Variants in GDPD5 observed in about 807,000 individuals in gnomAD.
The protein encoded by GDPD5 is glycerophosphodiester phosphodiesterase 2.
A neutral mutation model predicts 75.1 loss-of-function variants in GDPD5; 48 were observed. The ratio of observed to expected loss-of-function variants is 0.64; its 90% CI spans 0.51 to 0.81. The LOEUF is 0.81. Ranked by LOEUF, GDPD5 falls within the 40% of genes least tolerant of loss-of-function variation. The pLI is 0.00. For missense variants in GDPD5, 706 were observed against 822.6 expected, an observed-to-expected ratio of 0.86 and a Z score of 1.73; for synonymous variants, 336 against 339.0, an observed-to-expected ratio of 0.99 and a Z score of 0.10.
Position 75,439,886 on chromosome 11 carries a change from G to A in GDPD5, c.1549C>T (p.Leu517Phe), listed in dbSNP as rs146670226. ...SFTLIVGIFV[L>F]QKWRLGGIRS... ...TGGTCAGATCCTACTCACTTCTGGA[G>A]CACGAAGATGCCCACGATGAGGGTG... The change falls in exon 15 of 17, where the codon CTC (leucine) becomes TTC (phenylalanine). Residue 517 changes from leucine to phenylalanine, a missense_variant. Physicochemically the swap from Leu to Phe is conservative, Grantham distance 22. Transcript: ENST00000336898. The A allele has an allele frequency of 1.3e-5, 21 of 1,613,392 alleles. No individual in the cohort carries two copies. The highest frequency in any genetic ancestry group is 1.8e-5 in the Non-Finnish European group (21 of 1,179,544).
At chr11:75,469,599 T>C (rs117826185) in intron 3 of GDPD5, among the ~76,000 whole-genome samples, 1,961 of 152,332 alleles carry the variant, frequency 0.013, 30 homozygotes, top group Non-Finnish European at 0.019. Flanking sequence ...GGTCACACTT[T>C]GAGTCACAGG....
intron 3 of GDPD5, among the ~76,000 whole-genome samples, chr11:75,476,472 G>C (rs962060993): frequency 6.6e-6 from 1 of 151,706 alleles, no homozygotes; most frequent in Non-Finnish European, 1.5e-5. Context: ...CAGAGCCCAC[G>C]GTCTGTACCC....
chr11:75,462,195 C>T (rs141683686), intron 4 of GDPD5, among the ~76,000 whole-genome samples: 21 of 152,282 alleles, frequency 1.4e-4, no homozygotes, highest in Admixed American at 2.0e-4. Context: ...GGCCCTGCCC[C>T]GGTTGAGCCC....
chr11:75,452,620 T>C (rs1477961383), intron 6 of GDPD5, among the ~76,000 whole-genome samples: 1 of 152,172 alleles, frequency 6.6e-6, no homozygotes, highest in African/African-American at 2.4e-5. Flanking sequence ...GCTCAGTGAA[T>C]GCGCCTTCCT....
chr11:75,506,672 C>T (rs1950404884), intron 1 of GDPD5: 1 of 152,474 alleles, frequency 6.6e-6, no homozygotes, highest in African/African-American at 2.4e-5. Context: ...CTACAGATGA[C>T]TCCCCAGTTG....
At chr11:75,493,242 C>CACACAG (rs1218638377) in intron 1 of GDPD5, among the ~76,000 whole-genome samples, 1 of 151,516 alleles carries the variant, frequency 6.6e-6, no homozygotes, top group Non-Finnish European at 1.5e-5. Context: ...CACACACACA[C>CACACAG]ACACACACAC....
At chr11:75,436,288 G>A (rs1237832873) in intron 16 of GDPD5, among the ~76,000 whole-genome samples, 3 of 152,192 alleles carry the variant, frequency 2.0e-5, no homozygotes, top group Non-Finnish European at 4.4e-5. Flanking sequence ...GCCCAGGCAA[G>A]CGGTGCTCCC....
chr11:75,465,610 G>A (rs1165970084), intron 3 of GDPD5, among the ~76,000 whole-genome samples: 4 of 152,204 alleles, frequency 2.6e-5, no homozygotes, highest in Non-Finnish European at 5.9e-5. Flanking sequence ...ACCCTGGCAT[G>A]AGTACACCCA....
At chr11:75,453,573 G>T (rs1304168113) in intron 6 of GDPD5, among the ~76,000 whole-genome samples, 1 of 150,308 alleles carries the variant, frequency 6.7e-6, no homozygotes, top group South Asian at 2.1e-4. Context: ...AGCCAAGATC[G>T]TGCCACTGCA....
intron 1 of GDPD5, among the ~76,000 whole-genome samples, chr11:75,516,332 T>C (rs542714877): frequency 2.6e-5 from 4 of 152,322 alleles, no homozygotes; most frequent in Admixed American, 6.5e-5. Flanking sequence ...AGTCCCTCGG[T>C]GCTGCACTAT....
chr11:75,439,237 GC>G, intron 15 of GDPD5: 1 of 429,134 alleles, frequency 2.3e-6, no homozygotes. Context: ...GGTGGCCCGG[GC>G]ACAGGGCTTG....
chr11:75,456,832 C>G lies in GDPD5; in HGVS notation c.316-16G>C. 6.2e-7 allele frequency: 1 copy of G among 1,613,900 alleles called. No homozygotes were observed. ...GTGCCAGGACCTGAGGAGGGACCCA[C>G]AGGGTGATTGTCAGGCCCGTGTGGG... is the stretch of plus-strand genomic sequence containing the variant. On this transcript the variant is annotated splice_polypyrimidine_tract_variant and intron_variant, in intron 5 of 16. Coordinates refer to ENST00000336898, the MANE Select transcript of GDPD5 (RefSeq NM_030792.8).
At chr11:75,466,016 T>C (rs1161663893) in intron 3 of GDPD5, among the ~76,000 whole-genome samples, 1 of 152,142 alleles carries the variant, frequency 6.6e-6, no homozygotes, top group Non-Finnish European at 1.5e-5. Context: ...TCCTCAAGTG[T>C]CCAGATCCTT....
intron 3 of GDPD5, among the ~76,000 whole-genome samples, chr11:75,476,638 C>T (rs550479359): frequency 1.2e-4 from 18 of 152,300 alleles, no homozygotes; most frequent in Admixed American, 7.8e-4. Context: ...TCAGTTTGGC[C>T]ACTTGGCTCC....
chr11:75,439,694 T>A (rs541155868), intron 15 of GDPD5, among the ~76,000 whole-genome samples, 185 bp downstream of exon 15: 1 of 152,264 alleles, frequency 6.6e-6, no homozygotes, highest in East Asian at 1.9e-4. Flanking sequence ...AGCTGCATGT[T>A]CATTCCAGAA....
intron 2 of GDPD5, chr11:75,485,214 G>A (rs1211644145): frequency 6.6e-6 from 1 of 152,212 alleles, no homozygotes; most frequent in Non-Finnish European, 1.5e-5. Flanking sequence ...TGGTGCTCAA[G>A]GAATTTTGAG....
At chr11:75,479,485 A>G (rs1949856630) in intron 2 of GDPD5, 1 of 152,238 alleles carries the variant, frequency 6.6e-6, no homozygotes, top group Non-Finnish European at 1.5e-5. Flanking sequence ...CTATAACAGC[A>G]GCCCTAGGAA....
intron 3 of GDPD5, among the ~76,000 whole-genome samples, chr11:75,467,643 C>T (rs1949546835): frequency 6.6e-6 from 1 of 152,018 alleles, no homozygotes; most frequent in South Asian, 2.1e-4. Flanking sequence ...AGGGACCAGA[C>T]AGGGCGAGCA....
intron 1 of GDPD5, chr11:75,517,479 C>G (rs35477669): frequency 0.044 from 6,746 of 151,926 alleles, 212 homozygotes; most frequent in East Asian, 0.09. Context: ...AAACCAAAAC[C>G]AAAAACAAAA....
Sources: gnomAD v4.1 joint callset for allele counts (sites outside exome capture counted in the v4.1 genomes callset) on GRCh38, gnomAD v4.1.1 for gene constraint, MANE v1.5 for transcripts, NCBI Gene and HGNC (gene_info 2026-07-23, HGNC 2026-07-21) for gene names.